The following CHRDL2 variants were observed in gnomAD, a reference collection of about 807,000 sequenced individuals.
CHRDL2 encodes the protein chordin-like protein 2.
CHRDL2 carries 41 observed loss-of-function variants against 54.3 expected under a neutral mutation model. That is an observed-to-expected ratio of 0.76 (90% CI 0.59 to 0.98). The LOEUF (loss-of-function observed/expected upper bound fraction) is 0.98, where lower values mean the gene tolerates loss of function less well. CHRDL2 is among the 50% of genes least tolerant of loss of function. The pLI is 0.00. For missense variants in CHRDL2, 518 were observed against 562.4 expected, an observed-to-expected ratio of 0.92 and a Z score of 0.80; for synonymous variants, 220 against 224.3, an observed-to-expected ratio of 0.98 and a Z score of 0.17.
Position 74,703,477 on chromosome 11 carries a change from C to T in CHRDL2, c.774G>A (p.Thr258=), listed in dbSNP as rs146411227. 15 of 1,604,554 alleles carry T rather than the reference C, an allele frequency of 9.3e-6. No homozygotes were observed. The African/African-American group carries it at 9.4e-5, about 10-fold the overall frequency. The stretch of plus-strand genomic sequence containing the variant: ...GGTGCCACACCTCCCCGTGGGAGTA[C>T]GTCTTCCCGCCATGCACACAGGCTG... ...HKKACVHGGK[T]YSHGEVWHPA... The change falls in exon 8 of 11, where the codon ACG becomes ACA. Residue 258 remains threonine, a synonymous_variant. Coordinates refer to ENST00000376332, the MANE Select transcript of CHRDL2 (RefSeq NM_001278473.3).
intron 5 of CHRDL2, among the ~76,000 whole-genome samples, chr11:74,707,820 C>G (rs534799902): frequency 2.8e-4 from 43 of 152,238 alleles, no homozygotes; most frequent in African/African-American, 1.0e-3. Flanking sequence ...ACTCCTGCCT[C>G]TGCTCCCAGG....
chr11:74,700,984 C>T (rs1201466565), intron 9 of CHRDL2: 2 of 152,142 alleles, frequency 1.3e-5, no homozygotes, highest in Non-Finnish European at 2.9e-5. Context: ...CTGAATCTAA[C>T]TCCCCAGCTG....
chr11:74,703,232 C>T, intron 8 of CHRDL2, 73 bp downstream of exon 8: 1 of 1,493,226 alleles, frequency 6.7e-7, no homozygotes, highest in Non-Finnish European at 9.0e-7. Flanking sequence ...CTCCAAGTGT[C>T]TGTGGCCCTG....
At chr11:74,708,158 G>T in intron 5 of CHRDL2, 144 bp downstream of exon 5, 1 of 538,948 alleles carries the variant, frequency 1.9e-6, no homozygotes, top group Non-Finnish European at 3.2e-6. Flanking sequence ...TCTGGGGGGT[G>T]CAGGCTAAGC....
At chr11:74,700,157 G>C (rs1341616455) in intron 9 of CHRDL2, among the ~76,000 whole-genome samples, 1 of 152,194 alleles carries the variant, frequency 6.6e-6, no homozygotes, top group Non-Finnish European at 1.5e-5. Context: ...TGACCTCTCA[G>C]ACTCAGTTTT....
intron 1 of CHRDL2, among the ~76,000 whole-genome samples, chr11:74,725,515 T>C (rs577186455): frequency 1.2e-4 from 19 of 152,322 alleles, no homozygotes; most frequent in African/African-American, 4.6e-4. Context: ...GATTCCATGA[T>C]CTTCACGCAT....
intron 2 of CHRDL2, among the ~76,000 whole-genome samples, 153 bp downstream of exon 2, chr11:74,718,567 T>C (rs143912729): frequency 2.0e-4 from 31 of 152,314 alleles, no homozygotes; most frequent in Admixed American, 7.8e-4. Flanking sequence ...ATCCTATATA[T>C]TGAGTAGTCA....
chr11:74,721,975 A>G (rs1403800102), intron 1 of CHRDL2, among the ~76,000 whole-genome samples: 3 of 152,156 alleles, frequency 2.0e-5, no homozygotes, highest in Non-Finnish European at 2.9e-5. Flanking sequence ...GAATTGTCCA[A>G]TGTTGTGGTT....
At chr11:74,700,992 C>G (rs1434113960) in intron 9 of CHRDL2, 4 of 152,176 alleles carry the variant, frequency 2.6e-5, no homozygotes, top group Non-Finnish European at 5.9e-5. Flanking sequence ...AACTCCCCAG[C>G]TGCAGACGGA....
Position 74,696,468 on chromosome 11 carries a change from C to G in CHRDL2, c.*41G>C. On this transcript the variant is annotated 3_prime_UTR_variant, in exon 11 of 11. Transcript: ENST00000376332. Reference sequence around the variant, plus strand: ...CTTCTTATTTATTAATATATAATAACAACAATTATACAGCTCATATCTGCA... The same window carrying G: ...CTTCTTATTTATTAATATATAATAAGAACAATTATACAGCTCATATCTGCA... 6.7e-7 allele frequency: 1 copy of G among 1,494,682 alleles called. No individual in the cohort carries two copies. Among genetic ancestry groups the G allele is most frequent in the Non-Finnish European group, 9.3e-7 (1 of 1,072,502 alleles). The allele number at this position is 1,494,682 out of a possible 1,614,324, so 92.6% of individuals were successfully genotyped here.
chr11:74,716,332 G>A (rs897957876), intron 2 of CHRDL2, among the ~76,000 whole-genome samples: 1 of 151,866 alleles, frequency 6.6e-6, no homozygotes, highest in Non-Finnish European at 1.5e-5. Flanking sequence ...ATCAAGAGAT[G>A]GAGATCATCC....
intron 1 of CHRDL2, among the ~76,000 whole-genome samples, chr11:74,724,072 A>T (rs1157627505): frequency 6.6e-6 from 1 of 152,262 alleles, no homozygotes; most frequent in Admixed American, 6.5e-5. Context: ...AAGAACACAG[A>T]TAGATACAAT....
At chr11:74,696,651 G>T in intron 10 of CHRDL2, 66 bp from the exon 11 acceptor site, 1 of 1,231,480 alleles carries the variant, frequency 8.1e-7, no homozygotes, top group Non-Finnish European at 1.2e-6. Flanking sequence ...AGAGGCAGCA[G>T]CTGGGGGTTG....
Position 74,704,082 on chromosome 11 carries a change from CTTATA to C in CHRDL2, c.751+399_751+403del, listed in dbSNP as rs1181118295. Among the ~76,000 whole-genome samples the C allele has an allele frequency of 2.0e-5, 3 of 152,214 alleles. No individual in the cohort carries two copies. In the East Asian group the frequency reaches 5.8e-4, roughly 29 times the overall value. ...CAAAAACTGTCCCTCAGCACACTTC[CTTATA>C]TTAAAGTCATTTATTTACTTGTCTG... On this transcript the variant is annotated intron_variant, in intron 7 of 10. Transcript: ENST00000376332.
chr11:74,718,795 G>A lies in CHRDL2; in HGVS notation c.120C>T (p.Tyr40=), dbSNP rs909812691. Residue 40 remains tyrosine, a synonymous_variant, in exon 2 of 11, where the codon TAC becomes TAT. Transcript: ENST00000376332. ...AGGGGTGCCAGCTCTCGCCGGGGGA[G>A]TATCTCTTCCCATGGAAAAGGCAGA... is the stretch of plus-strand genomic sequence containing the variant. ...DMFCLFHGKR[Y]SPGESWHPYL... 6.2e-7 allele frequency: 1 copy of A among 1,613,298 alleles called. No homozygotes were observed. Among genetic ancestry groups the A allele is most frequent in the African/African-American group, 1.3e-5 (1 of 74,906 alleles).
At chr11:74,696,620 A>G in intron 10 of CHRDL2, 35 bp from the exon 11 acceptor site, 1 of 1,480,340 alleles carries the variant, frequency 6.8e-7, no homozygotes, top group Non-Finnish European at 9.4e-7. Context: ...GAAGAGGCGT[A>G]TGTGTCTGCA....
At chr11:74,720,993 A>T (rs886309562) in intron 1 of CHRDL2, among the ~76,000 whole-genome samples, 1 of 152,202 alleles carries the variant, frequency 6.6e-6, no homozygotes, top group Non-Finnish European at 1.5e-5. Flanking sequence ...CGCTGAGAGT[A>T]GGAACACATG....
chr11:74,706,950 T>A (rs1196929730), intron 5 of CHRDL2, among the ~76,000 whole-genome samples: 1 of 152,138 alleles, frequency 6.6e-6, no homozygotes, highest in Non-Finnish European at 1.5e-5. Context: ...ATAGATGCAG[T>A]TTCCTGGGCA....
At chr11:74,717,042 T>C (rs1449377659) in intron 2 of CHRDL2, among the ~76,000 whole-genome samples, 1 of 151,768 alleles carries the variant, frequency 6.6e-6, no homozygotes, top group Non-Finnish European at 1.5e-5. Context: ...TGCAGTGAGC[T>C]GAGATCGCAC....
Sources: gnomAD v4.1 joint callset for allele counts (sites outside exome capture counted in the v4.1 genomes callset) on GRCh38, gnomAD v4.1.1 for gene constraint, MANE v1.5 for transcripts, NCBI Gene and HGNC (gene_info 2026-07-23, HGNC 2026-07-21) for gene names.